The following PRKAG2 variants were observed in gnomAD, a reference collection of about 807,000 sequenced individuals.
PRKAG2 encodes the protein 5'-AMP-activated protein kinase subunit gamma-2.
Under a neutral mutation model 69.6 loss-of-function variants are expected in PRKAG2, and 26 were observed. The observed-to-expected ratio is 0.37, with a 90% CI of 0.27 to 0.52. The LOEUF is 0.52. Ranked by LOEUF, PRKAG2 falls within the 20% of genes least tolerant of loss-of-function variation. The pLI, the probability that PRKAG2 is intolerant of heterozygous loss-of-function variation, is 0.90. For missense variants in PRKAG2, 557 were observed against 740.0 expected (o/e 0.75, Z 2.87); for synonymous variants, 293 against 285.0 (o/e 1.03, Z -0.28).
intron 1 of PRKAG2, among the ~76,000 whole-genome samples, chr7:151,852,682 C>A (rs903472339): frequency 7.9e-5 from 12 of 152,050 alleles, no homozygotes. Flanking sequence ...GATGCCAACC[C>A]CACACGCCTG....
chr7:151,720,927 T>A (rs1469894969), intron 3 of PRKAG2, among the ~76,000 whole-genome samples: 1 of 58,924 alleles, frequency 1.7e-5, no homozygotes, highest in Non-Finnish European at 3.3e-5. Flanking sequence ...TGGAGGGGGA[T>A]GGAGAGGGAT....
chr7:151,663,850 G>A (rs934886064), intron 4 of PRKAG2, among the ~76,000 whole-genome samples: 17 of 152,214 alleles, frequency 1.1e-4, no homozygotes, highest in African/African-American at 3.9e-4. Flanking sequence ...CAACTGGCTA[G>A]CAGTATAAAG....
At chr7:151,794,107 C>T (rs1183362506) in intron 1 of PRKAG2, among the ~76,000 whole-genome samples, 2 of 152,170 alleles carry the variant, frequency 1.3e-5, no homozygotes, top group East Asian at 1.9e-4. Flanking sequence ...ACAACCGCCT[C>T]GGGGCTCCCC....
chr7:151,752,640 G>A (rs563871325), intron 3 of PRKAG2, among the ~76,000 whole-genome samples: 22 of 152,298 alleles, frequency 1.4e-4, no homozygotes, highest in Admixed American at 6.5e-4. Flanking sequence ...TGAGTCCATA[G>A]ATACATACAC....
chr7:151,800,065 G>A (rs2077750063), intron 1 of PRKAG2, among the ~76,000 whole-genome samples: 1 of 151,410 alleles, frequency 6.6e-6, no homozygotes, highest in Non-Finnish European at 1.5e-5. Context: ...TCATTTGAAA[G>A]TCGCCTCACG....
rs145289558 is a variant in PRKAG2 at position 151,624,267 on chromosome 7, G to A, written c.754+7802C>T. The stretch of plus-strand genomic sequence containing the variant: ...GGTTCAGCACAGCCTCAACCTCCTG[G>A]ACTCAGGAGGCATGGGACTCACCTC... On this transcript the variant is annotated intron_variant, in intron 5 of 15. Coordinates refer to ENST00000287878, the MANE Select transcript of PRKAG2 (RefSeq NM_016203.4). 8.9e-3 allele frequency among the ~76,000 whole-genome samples: 1,341 copies of A among 151,498 alleles called. 22 individuals are homozygous for A. Among genetic ancestry groups the A allele is most frequent in the African/African-American group, 0.03 (1,225 of 41,186 alleles).
Position 151,560,536 on chromosome 7 carries a change from G to T in PRKAG2, c.1666C>A (p.Leu556Ile). ...ACCAGCATTTTACCTGCTGGTGTGAGGATCAGGGCTTGCAGAATGTCCGAC... is the reference window on the plus strand; with the variant it reads ...ACCAGCATTTTACCTGCTGGTGTGATGATCAGGGCTTGCAGAATGTCCGAC... ...SLSDILQALILTPAGAKQKET... is the reference protein window; with the variant it reads ...SLSDILQALIITPAGAKQKET... The change falls in exon 15 of 16, where the codon CTC becomes ATC. Residue 556 changes from leucine (L) to isoleucine (I), a missense_variant. Physicochemically the swap from Leu to Ile is conservative, Grantham distance 5. This residue lies in a region of PRKAG2 where 205 missense variants were observed against 383.4 expected (regional missense o/e 0.53). Transcript: ENST00000287878. 6.2e-7 allele frequency: 1 copy of T among 1,614,120 alleles called. No individual in the cohort carries two copies. The highest frequency in any genetic ancestry group is 8.5e-7 in the Non-Finnish European group (1 of 1,180,012).
intron 1 of PRKAG2, among the ~76,000 whole-genome samples, chr7:151,791,214 A>C (rs899322772): frequency 7.2e-5 from 11 of 152,196 alleles, no homozygotes; most frequent in African/African-American, 2.4e-4. Flanking sequence ...AGAGCTCACC[A>C]GGAAACATCA....
chr7:151,574,872 A>G lies in PRKAG2; in HGVS notation c.1005+19T>C. On this transcript the variant is annotated intron_variant, in intron 8 of 15. Coordinates refer to ENST00000287878, the MANE Select transcript of PRKAG2 (RefSeq NM_016203.4). ...TACGTACAGCTCCAACTACTGACAT[A>G]GGAACTGGTGCCACTTACCATAGGT... is the stretch of plus-strand genomic sequence containing the variant. 1.9e-6 allele frequency: 3 copies of G among 1,613,622 alleles called. No individual in the cohort carries two copies. The highest frequency in any genetic ancestry group is 2.5e-6 in the Non-Finnish European group (3 of 1,179,712).
At chr7:151,767,001 G>A (rs896958848) in intron 3 of PRKAG2, among the ~76,000 whole-genome samples, 1 of 152,202 alleles carries the variant, frequency 6.6e-6, no homozygotes, top group African/African-American at 2.4e-5. Flanking sequence ...GATGTGGTTA[G>A]CTGAGATGAG....
intron 4 of PRKAG2, among the ~76,000 whole-genome samples, chr7:151,665,092 G>A (rs1211868393): frequency 6.6e-6 from 1 of 152,142 alleles, no homozygotes; most frequent in Non-Finnish European, 1.5e-5. Flanking sequence ...GAAGAGGCAG[G>A]ATGCACCCTT....
In PRKAG2 at chr7:151,814,685, C is replaced by T. The variant is rs181611515; in HGVS notation, c.115-28144G>A. The T allele has an allele frequency of 7.4e-3, 9,131 of 1,231,762 alleles. 36 individuals are homozygous for T. Among genetic ancestry groups the T allele is most frequent in the Non-Finnish European group, 8.2e-3 (8,108 of 987,988 alleles). The allele number at this position is 1,231,762 out of a possible 1,614,324, so 76.3% of individuals were successfully genotyped here. A position where few individuals can be genotyped will look rare whatever the true frequency, so the allele number is the denominator to read the frequency against. Reference sequence around the variant, plus strand: ...CCGGGGCTGGGTGTGTTCCCAGTCCCCAAGGCAGCGCAACAAGCGGCTGGC... The same window carrying T: ...CCGGGGCTGGGTGTGTTCCCAGTCCTCAAGGCAGCGCAACAAGCGGCTGGC... On this transcript the variant is annotated intron_variant, in intron 1 of 15. Transcript: ENST00000287878. This position sits in a 1 kb window ranked among gnomAD's most constrained non-coding sequence, Gnocchi z 4.8.
intron 3 of PRKAG2, among the ~76,000 whole-genome samples, chr7:151,741,330 G>A (rs2073875866): frequency 6.6e-6 from 1 of 152,148 alleles, no homozygotes; most frequent in Non-Finnish European, 1.5e-5. Flanking sequence ...AAAATGAAAA[G>A]GTTTTGTTTC....
chr7:151,837,960 G>C (rs751772942), intron 1 of PRKAG2, among the ~76,000 whole-genome samples: 1 of 151,914 alleles, frequency 6.6e-6, no homozygotes, highest in Non-Finnish European at 1.5e-5. Flanking sequence ...AGCAGGCCGC[G>C]CCTGGGCCTT....
intron 3 of PRKAG2, among the ~76,000 whole-genome samples, chr7:151,692,885 G>A (rs1041614152): frequency 1.3e-5 from 2 of 152,164 alleles, no homozygotes; most frequent in Non-Finnish European, 2.9e-5. Context: ...GGGGGAGTGC[G>A]AGGGGGAAGG....
chr7:151,630,228 A>G (rs558266549), intron 5 of PRKAG2, among the ~76,000 whole-genome samples: 3 of 152,260 alleles, frequency 2.0e-5, no homozygotes. Flanking sequence ...GACACAATGA[A>G]AAGAAAAAAA....
chr7:151,822,718 G>C (rs2078816720), intron 1 of PRKAG2, among the ~76,000 whole-genome samples: 1 of 152,184 alleles, frequency 6.6e-6, no homozygotes. Context: ...GACACGCTTA[G>C]TGCAATGGCC....
Position 151,567,398 on chromosome 7 carries a change from A to G in PRKAG2, c.1233+1318T>C, listed in dbSNP as rs73727851. 0.019 allele frequency among the ~76,000 whole-genome samples: 2,924 copies of G among 152,312 alleles called. 77 individuals carry two copies. The highest frequency in any genetic ancestry group is 0.067 in the African/African-American group (2,768 of 41,562). Reference sequence around the variant, plus strand: ...TAGCAGCGAGGATGAGATTATGTCAAGTGCTTAGAACAGTGCCGGACATAC... The same window carrying G: ...TAGCAGCGAGGATGAGATTATGTCAGGTGCTTAGAACAGTGCCGGACATAC... On this transcript the variant is annotated intron_variant, in intron 11 of 15. Coordinates refer to ENST00000287878, the MANE Select transcript of PRKAG2 (RefSeq NM_016203.4). This position sits in a 1 kb window ranked among gnomAD's most constrained non-coding sequence, Gnocchi z 4.2.
chr7:151,588,551 G>A (rs1168392395), intron 6 of PRKAG2, among the ~76,000 whole-genome samples: 4 of 123,542 alleles, frequency 3.2e-5, no homozygotes, highest in African/African-American at 1.1e-4. Context: ...TTAGGAGGAC[G>A]GTTTCGCCAT....
Sources: gnomAD v4.1 joint callset for allele counts (sites outside exome capture counted in the v4.1 genomes callset) on GRCh38, gnomAD v4.1.1 for gene constraint, gnomAD v4.1.1 regional missense constraint, Gnocchi (gnomAD v3.1) non-coding constraint, MANE v1.5 for transcripts, NCBI Gene and HGNC (gene_info 2026-07-23, HGNC 2026-07-21) for gene names.